CNTN1: variants seen among roughly 807,000 people sequenced by gnomAD.
CNTN1 encodes contactin-1.
A neutral mutation model predicts 126.4 loss-of-function variants in CNTN1; 38 were observed. The observed-to-expected ratio is 0.30, with a 90% CI of 0.23 to 0.39. The LOEUF (loss-of-function observed/expected upper bound fraction) is 0.39, where lower values mean the gene tolerates loss of function less well. CNTN1 is among the 10% of genes least tolerant of loss of function. The probability of loss-of-function intolerance (pLI) is 1.00; values close to 1 mark genes in which losing one functional copy is unlikely to be tolerated. For synonymous variants in CNTN1, 413 were observed against 422.6 expected, an observed-to-expected ratio of 0.98 and a Z score of 0.28; for missense variants, 1,009 against 1,248.4, an observed-to-expected ratio of 0.81 and a Z score of 2.89.
At chr12:41,018,149 T>G (rs1948824932) in intron 19 of CNTN1, among the ~76,000 whole-genome samples, 1 of 151,958 alleles carries the variant, frequency 6.6e-6, no homozygotes, top group Non-Finnish European at 1.5e-5. Flanking sequence ...ACTGTGTAAA[T>G]AATTAATGAC....
chr12:41,042,401 G>A (rs931183716), intron 23 of CNTN1, among the ~76,000 whole-genome samples: 1 of 152,050 alleles, frequency 6.6e-6, no homozygotes, highest in Non-Finnish European at 1.5e-5. Flanking sequence ...CTGTTGATTT[G>A]GGGTGGAGAG....
rs1404171768 is a variant in CNTN1, at chr12:40,958,515, A to G, written c.1684-599A>G. 2.6e-5 allele frequency among the ~76,000 whole-genome samples: 4 copies of G among 152,048 alleles called. No individual in the cohort carries two copies. In the East Asian group the frequency reaches 5.8e-4, roughly 22 times the overall value. ...ACAAGCAAAATTTCCTCAAGACTCA[A>G]AAATATGTGTTGAACACTCTTGGAG... is the stretch of plus-strand genomic sequence containing the variant. On this transcript the variant is annotated intron_variant, in intron 14 of 23. Transcript: ENST00000551295.
At chr12:40,841,512 G>A (rs896210349) in intron 1 of CNTN1, among the ~76,000 whole-genome samples, 2 of 151,868 alleles carry the variant, frequency 1.3e-5, no homozygotes, top group African/African-American at 4.8e-5. Context: ...AAGGAACATG[G>A]ACACAAAAAT....
At chr12:40,870,597 C>A (rs1943451689) in intron 1 of CNTN1, among the ~76,000 whole-genome samples, 1 of 151,986 alleles carries the variant, frequency 6.6e-6, no homozygotes, top group Non-Finnish European at 1.5e-5. Context: ...ATCAATAAAT[C>A]AAATTTTAAT....
In CNTN1 at chr12:40,964,646, T is replaced by G. The variant is rs1947240504; in HGVS notation, c.1804+5412T>G. On this transcript the variant is annotated intron_variant, in intron 15 of 23. Coordinates refer to ENST00000551295, the MANE Select transcript of CNTN1 (RefSeq NM_001843.4). ...TAGTTAGAGGTCATCTTTATTGATA[T>G]ACCCTGTTAAGGTTTTTATTGCTTA... is the stretch of plus-strand genomic sequence containing the variant. Among the ~76,000 whole-genome samples the G allele has an allele frequency of 2.6e-5, 4 of 151,970 alleles. No homozygotes were observed. The South Asian group carries it at 8.3e-4, about 32-fold the overall frequency.
At chr12:40,971,068 G>A (rs1249247332) in intron 15 of CNTN1, among the ~76,000 whole-genome samples, 2 of 152,040 alleles carry the variant, frequency 1.3e-5, no homozygotes, top group African/African-American at 4.8e-5. Context: ...TTTATTCTTA[G>A]AAGTCTTCAA....
At chr12:40,794,535 C>A (rs1197058950) in intron 1 of CNTN1, among the ~76,000 whole-genome samples, 4 of 151,462 alleles carry the variant, frequency 2.6e-5, no homozygotes, top group African/African-American at 9.7e-5. Context: ...TGATATTTTA[C>A]CTAAATGATA....
intron 14 of CNTN1, among the ~76,000 whole-genome samples, chr12:40,958,353 G>GTGTGTGTGTGTGTATATA (rs1946970472): frequency 1.1e-4 from 3 of 27,614 alleles, no homozygotes; most frequent in African/African-American, 6.1e-4. Flanking sequence ...GTGTATATAT[G>GTGTGTGTGTGTGTATATA]TGTGTGTGTG....
At chr12:40,911,149 C>G (rs774871468) in intron 3 of CNTN1, among the ~76,000 whole-genome samples, 1 of 151,522 alleles carries the variant, frequency 6.6e-6, no homozygotes. Flanking sequence ...GGCGCGATCT[C>G]GGCTCACTGC....
intron 1 of CNTN1, among the ~76,000 whole-genome samples, chr12:40,849,884 G>GTA (rs1373747348): frequency 1.3e-5 from 2 of 151,738 alleles, no homozygotes; most frequent in African/African-American, 2.4e-5. Context: ...GGTACATACA[G>GTA]TATATATATA....
intron 1 of CNTN1, among the ~76,000 whole-genome samples, chr12:40,695,532 A>C (rs947578544): frequency 6.6e-6 from 1 of 152,214 alleles, no homozygotes; most frequent in African/African-American, 2.4e-5. Flanking sequence ...AAAAAAAATC[A>C]ACAAATTCTC....
At chr12:40,934,017 A>C in intron 9 of CNTN1, 139 bp downstream of exon 9, 5 of 713,492 alleles carry the variant, frequency 7.0e-6, no homozygotes, top group Non-Finnish European at 1.2e-5. Context: ...AAGATAAAAT[A>C]TTTCTCATAT....
intron 1 of CNTN1, among the ~76,000 whole-genome samples, chr12:40,835,811 C>G (rs1341108195): frequency 6.7e-6 from 1 of 149,812 alleles, no homozygotes; most frequent in Non-Finnish European, 1.5e-5. Flanking sequence ...CACACACACA[C>G]ACACACACAC....
At chr12:40,837,221 A>C (rs543013087) in intron 1 of CNTN1, among the ~76,000 whole-genome samples, 1 of 152,314 alleles carries the variant, frequency 6.6e-6, no homozygotes, top group African/African-American at 2.4e-5. Flanking sequence ...TTAAAAACCA[A>C]AATAGTGTAT....
chr12:40,702,991 C>T (rs1941640718), intron 1 of CNTN1, among the ~76,000 whole-genome samples: 2 of 151,812 alleles, frequency 1.3e-5, no homozygotes, highest in African/African-American at 4.8e-5. Flanking sequence ...AAGATATTTC[C>T]AGAATGAAAT....
intron 17 of CNTN1, among the ~76,000 whole-genome samples, chr12:40,999,238 C>G (rs1948295777): frequency 6.6e-6 from 1 of 152,090 alleles, no homozygotes; most frequent in African/African-American, 2.4e-5. Flanking sequence ...GAAATTAAGA[C>G]AAAAGGACAA....
intron 1 of CNTN1, among the ~76,000 whole-genome samples, chr12:40,811,231 T>C (rs1432680303): frequency 6.6e-6 from 1 of 152,218 alleles, no homozygotes; most frequent in Non-Finnish European, 1.5e-5. Flanking sequence ...ATTCTGTTTT[T>C]AATTTTTTTA....
chr12:40,770,871 A>G (rs1320683214), intron 1 of CNTN1, among the ~76,000 whole-genome samples: 1 of 152,136 alleles, frequency 6.6e-6, no homozygotes, highest in Admixed American at 6.6e-5. Flanking sequence ...AATATAAAAT[A>G]TGAAGCTATT....
At chr12:40,713,192 G>A (rs1172679175) in intron 1 of CNTN1, among the ~76,000 whole-genome samples, 3 of 148,792 alleles carry the variant, frequency 2.0e-5, no homozygotes, top group Non-Finnish European at 4.4e-5. Flanking sequence ...AATGAACTGA[G>A]CCTTTTATTT....
Sources: allele counts gnomAD v4.1 joint callset (sites outside exome capture counted in the v4.1 genomes callset), GRCh38; gene constraint gnomAD v4.1.1; transcripts MANE v1.5; gene names NCBI Gene and HGNC (gene_info 2026-07-23, HGNC 2026-07-21).